IMMP2L: variants seen among roughly 807,000 people sequenced by gnomAD.
The protein encoded by IMMP2L is mitochondrial inner membrane protease subunit 2.
IMMP2L carries 18 observed loss-of-function variants against 19.3 expected under a neutral mutation model. The ratio of observed to expected loss-of-function variants is 0.93; its 90% CI spans 0.64 to 1.38. The LOEUF is 1.38. Among genes scored for constraint, IMMP2L ranks in the 40% most tolerant of loss-of-function variants. The pLI is 0.00. For synonymous variants in IMMP2L, 76 were observed against 73.0 expected (o/e 1.04, Z -0.21); for missense variants, 233 against 218.2 (o/e 1.07, Z -0.43).
chr7:111,313,278 A>G (rs1254795094), intron 3 of IMMP2L, among the ~76,000 whole-genome samples: 1 of 152,096 alleles, frequency 6.6e-6, no homozygotes, highest in Non-Finnish European at 1.5e-5. Context: ...CTACCTTACA[A>G]TCTTTCAAGA....
At chr7:111,424,791 G>T (rs1426114929) in intron 3 of IMMP2L, among the ~76,000 whole-genome samples, 2 of 151,632 alleles carry the variant, frequency 1.3e-5, no homozygotes, top group Non-Finnish European at 2.9e-5. Context: ...CAAAACATTT[G>T]AAACAATCAC....
chr7:111,441,200 C>A (rs1288243845), intron 3 of IMMP2L, among the ~76,000 whole-genome samples: 3 of 151,882 alleles, frequency 2.0e-5, no homozygotes, highest in African/African-American at 7.3e-5. Flanking sequence ...AATACTTTTG[C>A]TTTGCATTCA....
intron 1 of IMMP2L, among the ~76,000 whole-genome samples, chr7:111,561,475 C>G (rs907005388): frequency 2.0e-5 from 3 of 152,098 alleles, no homozygotes; most frequent in Non-Finnish European, 4.4e-5. Flanking sequence ...CAAACAGGAC[C>G]TGGATTCTTT....
intron 1 of IMMP2L, among the ~76,000 whole-genome samples, chr7:111,552,998 A>G (rs535273314): frequency 1.3e-4 from 20 of 152,288 alleles, no homozygotes; most frequent in African/African-American, 4.6e-4. Flanking sequence ...TGAATCTTTT[A>G]GCTCCAGTGA....
chr7:111,168,418 T>C (rs568329093), intron 3 of IMMP2L, among the ~76,000 whole-genome samples: 1 of 151,838 alleles, frequency 6.6e-6, no homozygotes, highest in Non-Finnish European at 1.5e-5. Flanking sequence ...AAACAGGAGG[T>C]TTGGATGTGA....
At chr7:110,849,879 T>C in intron 5 of IMMP2L, among the ~76,000 whole-genome samples, 1 of 152,210 alleles carries the variant, frequency 6.6e-6, no homozygotes, top group East Asian at 1.9e-4. Flanking sequence ...TTTATAAATT[T>C]AAAAAATACA....
At chr7:111,016,931 T>TATATAATTATATATATATTTATATATAC (rs1563163730) in intron 3 of IMMP2L, among the ~76,000 whole-genome samples, 1,060 of 81,976 alleles carry the variant, frequency 0.013, 10 homozygotes, top group South Asian at 0.031. Flanking sequence ...TTATATATAC[T>TATATAATTATATATATATTTATATATAC]AATATATATT....
chr7:111,343,253 A>G (rs1036114047), intron 3 of IMMP2L, among the ~76,000 whole-genome samples: 4 of 152,064 alleles, frequency 2.6e-5, no homozygotes, highest in African/African-American at 9.7e-5. Context: ...CCACAACATT[A>G]TATCTAAGTT....
At chr7:111,080,447 CATAA>C (rs1387922776) in intron 3 of IMMP2L, among the ~76,000 whole-genome samples, 1 of 151,014 alleles carries the variant, frequency 6.6e-6, no homozygotes, top group South Asian at 2.1e-4. Flanking sequence ...TTCTTATATA[CATAA>C]ATATATGTAT....
rs147463639 is a variant in IMMP2L at position 110,837,966 on chromosome 7, T to A, written c.408+48627A>T. On this transcript the variant is annotated intron_variant, in intron 5 of 5. Transcript: ENST00000405709. ...CCAAAGACTATGTAAGAACATATTGTTTTCGGCCCTAGACTAGGGCACTCA... is the reference window on the plus strand; with the variant it reads ...CCAAAGACTATGTAAGAACATATTGATTTCGGCCCTAGACTAGGGCACTCA... Among the ~76,000 whole-genome samples the A allele has an allele frequency of 5.6e-4, 86 of 152,254 alleles. No homozygotes were observed. In the East Asian group the frequency reaches 0.015, roughly 27 times the overall value.
intron 1 of IMMP2L, among the ~76,000 whole-genome samples, chr7:111,554,185 C>T (rs2133122396): frequency 6.6e-6 from 1 of 152,232 alleles, no homozygotes; most frequent in South Asian, 2.1e-4. Flanking sequence ...CCCCCAGATA[C>T]TTGATATAAT....
intron 3 of IMMP2L, among the ~76,000 whole-genome samples, chr7:111,322,869 A>T (rs112270829): frequency 0.023 from 3,466 of 151,934 alleles, 134 homozygotes; most frequent in African/African-American, 0.079. Context: ...GAATGCATCT[A>T]TATTTTATAT....
At position 110,803,992 on chromosome 7, in the gene IMMP2L, A is replaced by G. The variant is rs546846149; in HGVS notation, c.408+82601T>C. Among the ~76,000 whole-genome samples the G allele has an allele frequency of 1.3e-5, 2 of 152,180 alleles. No homozygotes were observed. Among genetic ancestry groups the G allele is most frequent in the African/African-American group, 2.4e-5 (1 of 41,568 alleles). On this transcript the variant is annotated intron_variant, in intron 5 of 5. Transcript: ENST00000405709. The surrounding 1 kb of genome is among the most constrained non-coding windows in gnomAD (Gnocchi z 4.2). ...GAACAACTGGTAAAATGGGTACTTG[A>G]AAGATGAGAATGAGTTTATGATCAC...
At chr7:111,428,966 A>G (rs1342166995) in intron 3 of IMMP2L, among the ~76,000 whole-genome samples, 1 of 151,858 alleles carries the variant, frequency 6.6e-6, no homozygotes, top group Non-Finnish European at 1.5e-5. Flanking sequence ...AAAGTATCAG[A>G]TAAAACGCGA....
chr7:111,135,176 A>AT, intron 3 of IMMP2L, among the ~76,000 whole-genome samples: 1 of 152,298 alleles, frequency 6.6e-6, no homozygotes, highest in South Asian at 2.1e-4. Flanking sequence ...GATATAAAAC[A>AT]CCATAATATC....
At chr7:111,261,060 G>A (rs947006537) in intron 3 of IMMP2L, among the ~76,000 whole-genome samples, 4 of 152,086 alleles carry the variant, frequency 2.6e-5, no homozygotes, top group Non-Finnish European at 5.9e-5. Context: ...TAGTTAACAC[G>A]TAATTCTCAG....
At chr7:110,933,105 C>T (rs1815692445) in intron 4 of IMMP2L, among the ~76,000 whole-genome samples, 1 of 152,176 alleles carries the variant, frequency 6.6e-6, no homozygotes, top group African/African-American at 2.4e-5. Context: ...GTTAAGTATT[C>T]AACACACTTG....
chr7:111,475,291 T>C (rs898734708), intron 3 of IMMP2L, among the ~76,000 whole-genome samples: 3 of 152,146 alleles, frequency 2.0e-5, no homozygotes, highest in Non-Finnish European at 2.9e-5. Context: ...AAAGAAATAC[T>C]TTCCTGAGCT....
chr7:110,835,329 T>G (rs1312806259), intron 5 of IMMP2L, among the ~76,000 whole-genome samples: 1 of 152,176 alleles, frequency 6.6e-6, no homozygotes, highest in African/African-American at 2.4e-5. Flanking sequence ...GTTTATTATC[T>G]GAGGCCAAAG....
Sources: allele counts gnomAD v4.1 joint callset (sites outside exome capture counted in the v4.1 genomes callset), GRCh38; gene constraint gnomAD v4.1.1; non-coding constraint Gnocchi (gnomAD v3.1); transcripts MANE v1.5; gene names NCBI Gene and HGNC (gene_info 2026-07-23, HGNC 2026-07-21).